The following GOLM2 variants were observed in gnomAD, a reference collection of about 807,000 sequenced individuals.
GOLM2 encodes the protein protein GOLM2.
GOLM2 carries 26 observed loss-of-function variants against 55.9 expected under a neutral mutation model. The ratio of observed to expected loss-of-function variants is 0.47; its 90% CI spans 0.34 to 0.65. The LOEUF (loss-of-function observed/expected upper bound fraction) is 0.65. GOLM2 is among the 30% of genes least tolerant of loss of function. The probability of loss-of-function intolerance (pLI) is 0.01; values close to 1 mark genes in which losing one functional copy is unlikely to be tolerated. For missense variants in GOLM2, 486 were observed against 531.8 expected (o/e 0.91, Z 0.85); for synonymous variants, 165 against 194.6 (o/e 0.85, Z 1.27).
At chr15:44,356,486 A>G (rs1444521684) in intron 6 of GOLM2, among the ~76,000 whole-genome samples, 1 of 152,228 alleles carries the variant, frequency 6.6e-6, no homozygotes, top group Non-Finnish European at 1.5e-5. Flanking sequence ...TAGATGAACT[A>G]GACCACTTCC....
At chr15:44,318,649 C>G (rs982844931) in intron 1 of GOLM2, among the ~76,000 whole-genome samples, 2 of 149,996 alleles carry the variant, frequency 1.3e-5, no homozygotes, top group African/African-American at 4.9e-5. Context: ...GTGGAGGTTG[C>G]AGCGAGCAGA....
At chr15:44,401,372 C>T (rs1361214377) in intron 8 of GOLM2, among the ~76,000 whole-genome samples, 3 of 152,044 alleles carry the variant, frequency 2.0e-5, no homozygotes, top group Non-Finnish European at 2.9e-5. Context: ...TTAAGCAATC[C>T]TTCTACCTCA....
intron 1 of GOLM2, among the ~76,000 whole-genome samples, chr15:44,309,417 T>G (rs557462226): frequency 6.6e-6 from 1 of 152,294 alleles, no homozygotes; most frequent in Non-Finnish European, 1.5e-5. Context: ...ATCATCAAAT[T>G]GTGTACCTTA....
At chr15:44,316,408 A>G (rs2078909918) in intron 1 of GOLM2, among the ~76,000 whole-genome samples, 1 of 152,066 alleles carries the variant, frequency 6.6e-6, no homozygotes, top group African/African-American at 2.4e-5. Context: ...AGGTGAGGGG[A>G]TGGTGGTGGA....
Position 44,289,561 on chromosome 15 carries a change from CT to C in GOLM2, c.327+206del, listed in dbSNP as rs2078705956. Among the ~76,000 whole-genome samples the C allele has an allele frequency of 2.0e-5, 3 of 152,304 alleles. No individual in the cohort carries two copies. In the South Asian group the frequency reaches 6.2e-4, roughly 32 times the overall value. On this transcript the variant is annotated intron_variant, in intron 1 of 9. Transcript: ENST00000299957. This position sits in a 1 kb window ranked among gnomAD's most constrained non-coding sequence, Gnocchi z 4.8. The stretch of plus-strand genomic sequence containing the variant: ...TCTGGTCCCTGCCAGAAAAAAATGA[CT>C]GTAAATTCTGGTTCTCAAGAGTGGA...
intron 8 of GOLM2, among the ~76,000 whole-genome samples, chr15:44,384,768 G>T (rs2141197561): frequency 6.6e-6 from 1 of 151,860 alleles, no homozygotes; most frequent in South Asian, 2.1e-4. Flanking sequence ...AATTAGCTGG[G>T]CGTGGTGGCG....
At chr15:44,351,404 G>A (rs8041797) in intron 6 of GOLM2, among the ~76,000 whole-genome samples, 5,065 of 151,548 alleles carry the variant, frequency 0.033, 299 homozygotes, top group African/African-American at 0.12. Context: ...GTGAAGCCCC[G>A]TCTCTACTAA....
chr15:44,396,726 G>A (rs1019079149), intron 8 of GOLM2, among the ~76,000 whole-genome samples: 2 of 152,116 alleles, frequency 1.3e-5, no homozygotes, highest in Admixed American at 1.3e-4. Flanking sequence ...TGTGGTATAT[G>A]AATTAAAGTA....
chr15:44,366,296 C>CAAAAAAAAAAAAAAAAAAAAAAAAAA (rs34413737), intron 6 of GOLM2, among the ~76,000 whole-genome samples: 1 of 55,500 alleles, frequency 1.8e-5, no homozygotes, highest in African/African-American at 6.8e-5. Context: ...GACTCCGTCT[C>CAAAAAAAAAAAAAAAAAAAAAAAAAA]AAAAAAAAAA....
intron 6 of GOLM2, among the ~76,000 whole-genome samples, chr15:44,374,391 G>GT (rs1264589138): frequency 6.6e-6 from 1 of 151,948 alleles, no homozygotes; most frequent in African/African-American, 2.4e-5. Context: ...GTTCACGCCT[G>GT]TAATCCCAGC....
At chr15:44,385,081 G>A (rs966989575) in intron 8 of GOLM2, among the ~76,000 whole-genome samples, 1 of 152,056 alleles carries the variant, frequency 6.6e-6, no homozygotes, top group Non-Finnish European at 1.5e-5. Flanking sequence ...TTATTCATCT[G>A]TTGATGTATA....
At chr15:44,295,945 CACAG>C (rs1349152230) in intron 1 of GOLM2, among the ~76,000 whole-genome samples, 4 of 151,514 alleles carry the variant, frequency 2.6e-5, no homozygotes, top group South Asian at 2.1e-4. Context: ...CACACACACA[CACAG>C]ACACCCTTTT....
chr15:44,385,273 T>C (rs2079435444), intron 8 of GOLM2, among the ~76,000 whole-genome samples: 1 of 152,052 alleles, frequency 6.6e-6, no homozygotes, highest in Admixed American at 6.6e-5. Context: ...ACAATAGCTG[T>C]ACCATTTTAC....
intron 6 of GOLM2, among the ~76,000 whole-genome samples, chr15:44,350,174 A>G (rs1292409152): frequency 6.6e-6 from 1 of 152,174 alleles, no homozygotes; most frequent in Non-Finnish European, 1.5e-5. Flanking sequence ...TGAAGAAAAC[A>G]ATACAAAAGA....
At chr15:44,337,059 T>C (rs1351366649) in intron 4 of GOLM2, among the ~76,000 whole-genome samples, 2 of 152,218 alleles carry the variant, frequency 1.3e-5, no homozygotes, top group African/African-American at 4.8e-5. Context: ...ATGCATTAAA[T>C]GTTGACTAGA....
chr15:44,360,897 A>G (rs1485351488), intron 6 of GOLM2, among the ~76,000 whole-genome samples: 1 of 152,054 alleles, frequency 6.6e-6, no homozygotes. Flanking sequence ...GGATTAAGAA[A>G]CTCACTCAAA....
At chr15:44,393,338 C>T (rs2079504231) in intron 8 of GOLM2, among the ~76,000 whole-genome samples, 1 of 152,018 alleles carries the variant, frequency 6.6e-6, no homozygotes, top group Non-Finnish European at 1.5e-5. Context: ...AAATATTGTT[C>T]ACAGAAATTA....
At chr15:44,304,284 A>G (rs887021039) in intron 1 of GOLM2, among the ~76,000 whole-genome samples, 3 of 116,570 alleles carry the variant, frequency 2.6e-5, no homozygotes, top group African/African-American at 1.1e-4. Flanking sequence ...CTCTTGTGTC[A>G]AGGCTGGAGT....
rs550431197 is a variant in GOLM2 at position 44,359,029 on chromosome 15, C to T, written c.803-20661C>T. ...AAAATTAGCTGGGCGTGGTGCCGGG[C>T]GCCTCAGCTACTAGGGAGGCTGAGG... is the stretch of plus-strand genomic sequence containing the variant. On this transcript the variant is annotated intron_variant, in intron 6 of 9. Transcript: ENST00000299957. Among the ~76,000 whole-genome samples, 8 of 151,750 alleles carry T rather than the reference C, an allele frequency of 5.3e-5. No homozygotes were observed. The East Asian group carries it at 1.2e-3, about 22-fold the overall frequency.
Sources: allele counts gnomAD v4.1 joint callset (sites outside exome capture counted in the v4.1 genomes callset), GRCh38; gene constraint gnomAD v4.1.1; non-coding constraint Gnocchi (gnomAD v3.1); transcripts MANE v1.5; gene names NCBI Gene and HGNC (gene_info 2026-07-23, HGNC 2026-07-21).